Variants in AGBL1 observed in about 807,000 individuals in gnomAD.
AGBL1 encodes the protein cytosolic carboxypeptidase 4.
AGBL1 carries 130 observed loss-of-function variants against 118.9 expected under a neutral mutation model. That is an observed-to-expected ratio of 1.09 (90% confidence interval 0.95 to 1.26). AGBL1 has a LOEUF of 1.26. AGBL1 is among the 50% of genes most tolerant of loss of function. AGBL1 has a pLI of 0.00. For missense variants in AGBL1, 1,584 were observed against 1,298.1 expected (o/e 1.22, Z -3.38); for synonymous variants, 555 against 478.9 (o/e 1.16, Z -2.08).
chr15:86,729,492 G>T (rs144151693), intron 22 of AGBL1, among the ~76,000 whole-genome samples: 199 of 152,250 alleles, frequency 1.3e-3, no homozygotes, highest in Admixed American at 3.8e-3. Context: ...TGTTTACTCA[G>T]TGTTTAGCTC....
Position 86,606,067 on chromosome 15 carries a change from C to A in AGBL1, c.2994+51530C>A, listed in dbSNP as rs371323146. 1.8e-4 allele frequency among the ~76,000 whole-genome samples: 25 copies of A among 135,616 alleles called. 1 individual carries two copies. Among genetic ancestry groups the A allele is most frequent in the African/African-American group, 6.8e-4 (24 of 35,388 alleles). The allele number at this position is 135,616 out of a possible 152,430, so 89.0% of individuals were successfully genotyped here. On this transcript the variant is annotated intron_variant, in intron 21 of 22. Coordinates refer to ENST00000614907, the MANE Select transcript of AGBL1 (RefSeq NM_001386094.1). ...GCTTAAACCCAGAAGGCAGAGGTTG[C>A]AGTGAGCCAAGATGGTGCCACTGCA...
At chr15:86,514,698 C>G (rs1203134002) in intron 18 of AGBL1, among the ~76,000 whole-genome samples, 1 of 152,072 alleles carries the variant, frequency 6.6e-6, no homozygotes. Context: ...ACCCCATTCC[C>G]AGTTACCCAT....
chr15:86,780,191 C>A (rs989549337), intron 22 of AGBL1, among the ~76,000 whole-genome samples: 37 of 42,968 alleles, frequency 8.6e-4, no homozygotes, highest in Non-Finnish European at 2.3e-3. Context: ...CATTTTCTTG[C>A]CATTGACATC....
chr15:87,027,700 C>G (rs1299209815), intron 24 of AGBL1, among the ~76,000 whole-genome samples: 1 of 151,844 alleles, frequency 6.6e-6, no homozygotes, highest in African/African-American at 2.4e-5. Flanking sequence ...TACTATGCAG[C>G]TATAAAAAGG....
rs2080244455 is a variant in AGBL1 at position 86,329,948 on chromosome 15, T to TC, written c.2374+34545dup. ...CTCTCCTGGATTAGGAATTTAGGCT[T>TC]CCCCCTACATCACTGTGCAGAGGAC... On this transcript the variant is annotated intron_variant, in intron 17 of 22. Coordinates refer to ENST00000614907, the MANE Select transcript of AGBL1 (RefSeq NM_001386094.1). 2.0e-5 allele frequency among the ~76,000 whole-genome samples: 3 copies of TC among 152,204 alleles called. No homozygotes were observed. The South Asian group carries it at 6.2e-4, about 32-fold the overall frequency.
At position 86,554,453 on chromosome 15, in the gene AGBL1, G is replaced by T; in HGVS notation, c.2910G>T (p.Arg970=). The change falls in exon 21 of 23, where the codon CGG becomes CGT. Residue 970 remains arginine (R), a synonymous_variant. Coordinates refer to ENST00000614907, the MANE Select transcript of AGBL1 (RefSeq NM_001386094.1). The part of the protein sequence containing the change: ...LVEKSRASTA[R]VVVWREMGVS... ...AGAAATCTCGAGCTTCCACGGCCCGGGTGGTGGTGTGGAGAGAGATGGGGG... is the reference window on the plus strand; with the variant it reads ...AGAAATCTCGAGCTTCCACGGCCCGTGTGGTGGTGTGGAGAGAGATGGGGG... The T allele has an allele frequency of 6.3e-7, 1 of 1,589,060 alleles. No individual in the cohort carries two copies. Among genetic ancestry groups the T allele is most frequent in the Admixed American group, 1.8e-5 (1 of 55,938 alleles).
At chr15:86,181,918 C>T (rs1288634980) in intron 5 of AGBL1, among the ~76,000 whole-genome samples, 5 of 151,874 alleles carry the variant, frequency 3.3e-5, no homozygotes, top group Non-Finnish European at 7.4e-5. Flanking sequence ...CAGGCAAATG[C>T]ATTATAACTA....
At chr15:86,862,239 C>A (rs1202626024) in intron 22 of AGBL1, among the ~76,000 whole-genome samples, 2 of 152,136 alleles carry the variant, frequency 1.3e-5, no homozygotes, top group Admixed American at 6.5e-5. Context: ...AGAGAACCAG[C>A]ATTTATAGGC....
At chr15:86,259,315 A>G (rs952798016) in intron 9 of AGBL1, among the ~76,000 whole-genome samples, 1 of 152,118 alleles carries the variant, frequency 6.6e-6, no homozygotes, top group Non-Finnish European at 1.5e-5. Context: ...TTCTATCTCC[A>G]TTTCTGTTGG....
At chr15:86,704,303 A>T (rs149891884) in intron 22 of AGBL1, among the ~76,000 whole-genome samples, 38,553 of 152,128 alleles carry the variant, frequency 0.25, 4,969 homozygotes, top group South Asian at 0.34. Context: ...TAATTAAACT[A>T]AAAACCTTCT....
intron 24 of AGBL1, among the ~76,000 whole-genome samples, chr15:87,016,147 C>A (rs2081606084): frequency 6.6e-6 from 1 of 152,192 alleles, no homozygotes; most frequent in African/African-American, 2.4e-5. Flanking sequence ...CAGTCCCCTC[C>A]AATTCTTGTT....
intron 21 of AGBL1, among the ~76,000 whole-genome samples, chr15:86,629,605 C>A (rs2084935518): frequency 6.6e-6 from 1 of 152,208 alleles, no homozygotes; most frequent in Non-Finnish European, 1.5e-5. Flanking sequence ...GAGGTTGCAG[C>A]TAGATAACCA....
intron 6 of AGBL1, among the ~76,000 whole-genome samples, chr15:86,243,584 A>T (rs2078671221): frequency 6.6e-6 from 1 of 152,208 alleles, no homozygotes; most frequent in Non-Finnish European, 1.5e-5. Flanking sequence ...CAAGGGCCTG[A>T]TGGAGCTAGG....
chr15:86,103,413 T>C (rs1170914990), intron 1 of AGBL1, among the ~76,000 whole-genome samples: 3 of 152,224 alleles, frequency 2.0e-5, no homozygotes, highest in African/African-American at 7.2e-5. Flanking sequence ...CGTGTTTCCT[T>C]GCTTTTTCAT....
At chr15:86,362,770 TC>T (rs1180803160) in intron 17 of AGBL1, among the ~76,000 whole-genome samples, 1 of 152,110 alleles carries the variant, frequency 6.6e-6, no homozygotes, top group Non-Finnish European at 1.5e-5. Context: ...CAGAGCTACT[TC>T]AAGATCTGCA....
chr15:86,241,632 G>A (rs1201875584), intron 6 of AGBL1, among the ~76,000 whole-genome samples: 1 of 152,146 alleles, frequency 6.6e-6, no homozygotes, highest in Non-Finnish European at 1.5e-5. Flanking sequence ...AAGCTAGCAG[G>A]ACACTGTGTG....
chr15:86,252,924 A>G (rs550736363), intron 7 of AGBL1, among the ~76,000 whole-genome samples: 1 of 152,296 alleles, frequency 6.6e-6, no homozygotes, highest in South Asian at 2.1e-4. Flanking sequence ...TGTTCAAAGA[A>G]TCACCGCAAA....
chr15:86,272,458 A>G (rs1181857414), intron 15 of AGBL1, among the ~76,000 whole-genome samples: 1 of 152,206 alleles, frequency 6.6e-6, no homozygotes, highest in Non-Finnish European at 1.5e-5. Context: ...TTAAAAACTG[A>G]GAGACTAGTA....
intron 22 of AGBL1, among the ~76,000 whole-genome samples, chr15:86,759,465 A>G (rs1285840696): frequency 6.6e-6 from 1 of 152,186 alleles, no homozygotes; most frequent in South Asian, 2.1e-4. Flanking sequence ...AGTGCATAGC[A>G]TAGTGCTGGG....
Sources: allele counts gnomAD v4.1 joint callset (sites outside exome capture counted in the v4.1 genomes callset), GRCh38; gene constraint gnomAD v4.1.1; transcripts MANE v1.5; gene names NCBI Gene and HGNC (gene_info 2026-07-23, HGNC 2026-07-21).